PLEKHO2: variants seen among roughly 807,000 people sequenced by gnomAD.
PLEKHO2 encodes the protein pleckstrin homology domain-containing family O member 2.
In PLEKHO2, 20 loss-of-function variants were observed where a neutral mutation model predicts 32.7. The observed-to-expected ratio is 0.61, with a 90% CI of 0.43 to 0.89. The LOEUF is 0.89. PLEKHO2 is among the 40% of genes least tolerant of loss of function. The pLI is 0.00. For synonymous variants in PLEKHO2, 247 were observed against 246.3 expected, an observed-to-expected ratio of 1.00 and a Z score of -0.03; for missense variants, 568 against 621.2, an observed-to-expected ratio of 0.91 and a Z score of 0.91.
At chr15:64,854,026 C>G (rs146680972) in intron 2 of PLEKHO2, among the ~76,000 whole-genome samples, 41 of 152,318 alleles carry the variant, frequency 2.7e-4, no homozygotes, top group African/African-American at 9.9e-4. Flanking sequence ...TCCCTGGACT[C>G]TCCTGGATGA....
Position 64,863,124 on chromosome 15 carries a change from G to A in PLEKHO2, c.483+1549G>A, listed in dbSNP as rs139540566. ...GGCTAATTTTTGTATTTTTAGTAGA[G>A]ACGAGGTTTCACCATCTTGGCCAGG... On this transcript the variant is annotated intron_variant, in intron 5 of 5. Transcript: ENST00000323544. Among the ~76,000 whole-genome samples, 166 of 152,134 alleles carry A rather than the reference G, an allele frequency of 1.1e-3. 1 individual carries two copies. The highest frequency in any genetic ancestry group is 3.9e-3 in the African/African-American group (162 of 41,498).
chr15:64,850,853 G>A (rs1048354663), intron 2 of PLEKHO2, among the ~76,000 whole-genome samples: 2 of 152,216 alleles, frequency 1.3e-5, no homozygotes, highest in African/African-American at 2.4e-5. Context: ...CTGTGGTTGA[G>A]GCTATCGGAG....
At chr15:64,855,142 C>T in intron 3 of PLEKHO2, 105 bp downstream of exon 3, 1 of 847,954 alleles carries the variant, frequency 1.2e-6, no homozygotes, top group Admixed American at 2.1e-5. Context: ...AGCCTGTTTT[C>T]CGTTGCGTGT....
chr15:64,853,199 G>A (rs139183154), intron 2 of PLEKHO2, among the ~76,000 whole-genome samples: 21 of 151,886 alleles, frequency 1.4e-4, no homozygotes, highest in East Asian at 7.8e-4. Flanking sequence ...TAGTTAGAAC[G>A]CAGATTGCCA....
chr15:64,859,889 C>T lies in PLEKHO2; in HGVS notation c.280-5C>T. 1 of 1,613,376 alleles carries T rather than the reference C, an allele frequency of 6.2e-7. No individual in the cohort carries two copies. Among genetic ancestry groups the T allele is most frequent in the Admixed American group, 1.7e-5 (1 of 60,006 alleles). The stretch of plus-strand genomic sequence containing the variant: ...TGCCATCTACTCCATCCATCTTGCC[C>T]ACAGGTCAGCGACATCAAATTCCAG... On this transcript the variant is annotated splice_polypyrimidine_tract_variant and splice_region_variant and intron_variant, in intron 3 of 5. Transcript: ENST00000323544.
rs142352314 is a variant in PLEKHO2 at position 64,861,206 on chromosome 15, T to C, written c.385-271T>C. Reference sequence around the variant, plus strand: ...CCCAAAGCCACCTCAGGGCTGCTTATATATTTGTGATATACTCAGGGGCAA... The same window carrying C: ...CCCAAAGCCACCTCAGGGCTGCTTACATATTTGTGATATACTCAGGGGCAA... On this transcript the variant is annotated intron_variant, in intron 4 of 5. Transcript: ENST00000323544. Among the ~76,000 whole-genome samples the C allele has an allele frequency of 1.6e-4, 24 of 152,358 alleles. No individual in the cohort carries two copies. The East Asian group carries it at 3.7e-3, about 23-fold the overall frequency.
At chr15:64,846,475 G>A (rs1354872932) in intron 1 of PLEKHO2, among the ~76,000 whole-genome samples, 13 of 152,036 alleles carry the variant, frequency 8.6e-5, no homozygotes, top group Non-Finnish European at 1.8e-4. Flanking sequence ...ACCACCGCCC[G>A]GCTATTTTTT....
chr15:64,855,184 G>A (rs958299583), intron 3 of PLEKHO2, 147 bp downstream of exon 3: 1 of 629,730 alleles, frequency 1.6e-6, no homozygotes, highest in Non-Finnish European at 2.8e-6. Flanking sequence ...GCCACCATAG[G>A]TCAGACCTTT....
At chr15:64,855,688 A>G (rs1343924694) in intron 3 of PLEKHO2, among the ~76,000 whole-genome samples, 1 of 152,178 alleles carries the variant, frequency 6.6e-6, no homozygotes, top group African/African-American at 2.4e-5. Flanking sequence ...GGGTGTTGAC[A>G]CATGGTGTAG....
chr15:64,859,235 G>A (rs1017419613), intron 3 of PLEKHO2, among the ~76,000 whole-genome samples: 27 of 152,192 alleles, frequency 1.8e-4, no homozygotes, highest in African/African-American at 6.3e-4. Flanking sequence ...GAGCATGGGT[G>A]TACAAATTGG....
At chr15:64,857,550 G>A (rs894886874) in intron 3 of PLEKHO2, among the ~76,000 whole-genome samples, 10 of 152,126 alleles carry the variant, frequency 6.6e-5, no homozygotes, top group African/African-American at 2.2e-4. Flanking sequence ...GCCCAGGCTG[G>A]TAACTTCTTG....
chr15:64,866,166 TTGTG>T lies in PLEKHO2; in HGVS notation c.*281_*284del. On this transcript the variant is annotated 3_prime_UTR_variant, in exon 6 of 6. Transcript: ENST00000323544. Reference sequence around the variant, plus strand: ...AGCACACACGCTGGGACCTATGTGTTTGTGTGGTCGTTCCAAACTGCCCCAGGGC... The same window carrying T: ...AGCACACACGCTGGGACCTATGTGTTTGGTCGTTCCAAACTGCCCCAGGGC... 3.7e-6 allele frequency: 2 copies of T among 541,822 alleles called. No homozygotes were observed. Among genetic ancestry groups the T allele is most frequent in the South Asian group, 3.9e-5 (2 of 51,144 alleles). 33.6% of individuals were successfully genotyped at this position (541,822 alleles called of 1,614,324 possible).
In PLEKHO2 at chr15:64,866,239, G is replaced by C. The variant is rs2140347797; in HGVS notation, c.*351G>C. On this transcript the variant is annotated 3_prime_UTR_variant, in exon 6 of 6. Coordinates refer to ENST00000323544, the MANE Select transcript of PLEKHO2 (RefSeq NM_025201.5). ...GGTTTCTGGGAATGACATCATCTCTGTTCCCCATCCCCAGTAGTTTACATT... is the reference window on the plus strand; with the variant it reads ...GGTTTCTGGGAATGACATCATCTCTCTTCCCCATCCCCAGTAGTTTACATT... 1 of 463,738 alleles carries C rather than the reference G, an allele frequency of 2.2e-6. No individual in the cohort carries two copies. The highest frequency in any genetic ancestry group is 1.7e-5 in the South Asian group (1 of 58,802). 28.7% of individuals were successfully genotyped at this position (463,738 alleles called of 1,614,324 possible). A position where few individuals can be genotyped will look rare whatever the true frequency, so the allele number is the denominator to read the frequency against.
intron 1 of PLEKHO2, among the ~76,000 whole-genome samples, chr15:64,846,381 C>T (rs955195817): frequency 1.3e-5 from 2 of 151,794 alleles, no homozygotes; most frequent in African/African-American, 2.4e-5. Flanking sequence ...GGTGCAATCT[C>T]GGCTCACCAC....
In PLEKHO2 at chr15:64,864,938, C is replaced by G; in HGVS notation, c.523C>G (p.Leu175Val). 2 of 1,613,462 alleles carry G rather than the reference C, an allele frequency of 1.2e-6. No homozygotes were observed. Among genetic ancestry groups the G allele is most frequent in the Non-Finnish European group, 1.7e-6 (2 of 1,179,564 alleles). Residue 175 changes from leucine (L) to valine (V), a missense_variant, in exon 6 of 6, where the codon CTT (leucine) becomes GTT (valine). Coordinates refer to ENST00000323544, the MANE Select transcript of PLEKHO2 (RefSeq NM_025201.5). ...AASDGLLRLD[L>V]DVPDSGPPVF... ...TTCTGACGGTCTTCTGCGCCTGGATCTTGATGTTCCGGACAGTGGGCCACC... is the reference window on the plus strand; with the variant it reads ...TTCTGACGGTCTTCTGCGCCTGGATGTTGATGTTCCGGACAGTGGGCCACC...
At chr15:64,854,587 G>C (rs546827750) in intron 2 of PLEKHO2, among the ~76,000 whole-genome samples, 4 of 152,306 alleles carry the variant, frequency 2.6e-5, no homozygotes, top group East Asian at 3.9e-4. Context: ...ACAGATCTCT[G>C]CCTGGCCTCT....
chr15:64,859,359 G>C (rs971775201), intron 3 of PLEKHO2, among the ~76,000 whole-genome samples: 4 of 152,226 alleles, frequency 2.6e-5, no homozygotes, highest in Non-Finnish European at 4.4e-5. Context: ...GTGGTGGACT[G>C]TCCTGCTCAG....
At chr15:64,846,959 A>G (rs2084526837) in intron 1 of PLEKHO2, among the ~76,000 whole-genome samples, 1 of 152,242 alleles carries the variant, frequency 6.6e-6, no homozygotes, top group African/African-American at 2.4e-5. Context: ...AACTGAGGGT[A>G]CAGGAGTGAA....
rs148018939 is a variant in PLEKHO2, at chr15:64,844,748, C to T, written c.12+2720C>T. 1.2e-4 allele frequency among the ~76,000 whole-genome samples: 19 copies of T among 152,294 alleles called. No individual in the cohort carries two copies. The East Asian group carries it at 3.1e-3, about 25-fold the overall frequency. On this transcript the variant is annotated intron_variant, in intron 1 of 5. Coordinates refer to ENST00000323544, the MANE Select transcript of PLEKHO2 (RefSeq NM_025201.5). Reference sequence around the variant, plus strand: ...GCCTTCTCTGGACCAAGGCGTGTGTCTCTTCCCCTGCTCAGAGCCCTCCCC... The same window carrying T: ...GCCTTCTCTGGACCAAGGCGTGTGTTTCTTCCCCTGCTCAGAGCCCTCCCC...
Sources: allele counts gnomAD v4.1 joint callset (sites outside exome capture counted in the v4.1 genomes callset), GRCh38; gene constraint gnomAD v4.1.1; transcripts MANE v1.5; gene names NCBI Gene and HGNC (gene_info 2026-07-23, HGNC 2026-07-21).